Variants in EML4 observed in about 807,000 individuals in gnomAD.
EML4 encodes the protein EMAP like 4.
EML4 carries 72 observed loss-of-function variants against 129.0 expected under a neutral mutation model. That is an observed-to-expected ratio of 0.56 (90% CI 0.46 to 0.68). The LOEUF (loss-of-function observed/expected upper bound fraction) is 0.68. EML4 is among the 30% of genes least tolerant of loss of function. The probability of loss-of-function intolerance (pLI) is 0.00; values close to 1 mark genes in which losing one functional copy is unlikely to be tolerated. For missense variants in EML4, 1,363 were observed against 1,190.6 expected (o/e 1.14, Z -2.13); for synonymous variants, 532 against 405.0 (o/e 1.31, Z -3.77).
chr2:42,324,135 A>C (rs1669667683), intron 19 of EML4, among the ~76,000 whole-genome samples: 2 of 151,894 alleles, frequency 1.3e-5, no homozygotes. Context: ...TCTGTACTAA[A>C]AATAGAAAAA....
At chr2:42,210,688 C>T (rs887405738) in intron 1 of EML4, among the ~76,000 whole-genome samples, 18 of 152,236 alleles carry the variant, frequency 1.2e-4, no homozygotes, top group East Asian at 1.9e-4. Flanking sequence ...ATATTTTGCA[C>T]TTTGGGTTAA....
Position 42,223,057 on chromosome 2 carries a change from G to A in EML4, c.26-22448G>A, listed in dbSNP as rs116890188. On this transcript the variant is annotated intron_variant, in intron 1 of 22. Transcript: ENST00000318522. ...CTCGTGATCCGCCCTCCACCCCTTC[G>A]GCCTCCCAAAGTGCTGGGATTACAG... Among the ~76,000 whole-genome samples the A allele has an allele frequency of 2.8e-3, 421 of 151,968 alleles. 11 individuals carry two copies. The East Asian group carries it at 0.066, about 24-fold the overall frequency.
chr2:42,188,726 A>G (rs1049714605), intron 1 of EML4, among the ~76,000 whole-genome samples: 2 of 152,022 alleles, frequency 1.3e-5, no homozygotes, highest in Admixed American at 6.6e-5. Context: ...GAGTTTCACC[A>G]TGTTGGCCAG....
At chr2:42,283,665 A>T (rs985822411) in intron 8 of EML4, among the ~76,000 whole-genome samples, 1 of 152,180 alleles carries the variant, frequency 6.6e-6, no homozygotes, top group Non-Finnish European at 1.5e-5. Context: ...TGACTATTAT[A>T]ATATTATATA....
chr2:42,245,604 A>C lies in EML4; in HGVS notation c.125A>C (p.Lys42Thr). ...QQQEDEITVL[K>T]AALADVLRRL... ...CAAGAAGATGAAATCACTGTGCTAA[A>C]GGCGGCTTTGGCTGATGTTTTGAGG... Residue 42 changes from lysine (K) to threonine (T), a missense_variant, in exon 2 of 23, where the codon AAG becomes ACG. Coordinates refer to ENST00000318522, the MANE Select transcript of EML4 (RefSeq NM_019063.5). 6.2e-7 allele frequency: 1 copy of C among 1,613,906 alleles called. No homozygotes were observed. The highest frequency in any genetic ancestry group is 8.5e-7 in the Non-Finnish European group (1 of 1,179,864).
chr2:42,184,452 C>G (rs1247604465), intron 1 of EML4, among the ~76,000 whole-genome samples: 1 of 143,804 alleles, frequency 7.0e-6, no homozygotes, highest in Non-Finnish European at 1.5e-5. Flanking sequence ...GGTTTAAGAA[C>G]TTTCATCTCA....
At chr2:42,229,730 A>G (rs757145139) in intron 1 of EML4, among the ~76,000 whole-genome samples, 3 of 152,162 alleles carry the variant, frequency 2.0e-5, no homozygotes, top group Non-Finnish European at 4.4e-5. Context: ...GGAAAACTCT[A>G]GCAAAATAAA....
At chr2:42,219,936 A>C (rs1673461798) in intron 1 of EML4, among the ~76,000 whole-genome samples, 1 of 151,902 alleles carries the variant, frequency 6.6e-6, no homozygotes, top group South Asian at 2.1e-4. Flanking sequence ...AAAAAAAAAA[A>C]AAAAGGAAAA....
intron 1 of EML4, among the ~76,000 whole-genome samples, chr2:42,221,803 C>T (rs925407603): frequency 3.3e-5 from 5 of 151,922 alleles, no homozygotes; most frequent in Non-Finnish European, 5.9e-5. Flanking sequence ...AAGGTTTCGT[C>T]GTGTTGGCCA....
chr2:42,280,816 C>G, intron 6 of EML4, 34 bp from the exon 7 acceptor site: 1 of 1,554,428 alleles, frequency 6.4e-7, no homozygotes, highest in Non-Finnish European at 8.8e-7. Context: ...ACAGAAAATA[C>G]GTATGACTTA....
chr2:42,258,108 G>C (rs1191925164), intron 3 of EML4, among the ~76,000 whole-genome samples: 1 of 152,136 alleles, frequency 6.6e-6, no homozygotes, highest in East Asian at 1.9e-4. Flanking sequence ...ATGCACATTA[G>C]TGATTCAACA....
chr2:42,245,085 A>ATTTCTTTTTTTTTTTTTTTTT (rs1558535322), intron 1 of EML4, among the ~76,000 whole-genome samples: 1 of 42,148 alleles, frequency 2.4e-5, no homozygotes, highest in Non-Finnish European at 4.3e-5. Flanking sequence ...TTGTTTTGAA[A>ATTTCTTTTTTTTTTTTTTTTT]TTTTCTTTCT....
intron 1 of EML4, among the ~76,000 whole-genome samples, chr2:42,240,344 C>T (rs1674945327): frequency 6.6e-6 from 1 of 152,212 alleles, no homozygotes; most frequent in Non-Finnish European, 1.5e-5. Context: ...CTTTTCTAAT[C>T]TTACCTTCCT....
intron 9 of EML4, among the ~76,000 whole-genome samples, chr2:42,285,505 T>G (rs1667244109): frequency 6.6e-6 from 1 of 152,182 alleles, no homozygotes; most frequent in African/African-American, 2.4e-5. Context: ...AAATGTGTTA[T>G]TTTCTCAGGA....
At chr2:42,261,612 AT>A (rs1481381706) in intron 4 of EML4, 1 of 193,898 alleles carries the variant, frequency 5.2e-6, no homozygotes, top group Non-Finnish European at 1.1e-5. Flanking sequence ...CTTTTAAAAT[AT>A]GTATGTAACT....
intron 1 of EML4, among the ~76,000 whole-genome samples, chr2:42,224,049 A>G (rs887032745): frequency 1.3e-5 from 2 of 152,048 alleles, no homozygotes; most frequent in African/African-American, 4.8e-5. Flanking sequence ...TGTTTTTGTA[A>G]CAGCTGTTTT....
At chr2:42,245,094 C>CTTTCTTTTTTTTTTTTTTTT (rs1336279430) in intron 1 of EML4, among the ~76,000 whole-genome samples, 1 of 66,560 alleles carries the variant, frequency 1.5e-5, no homozygotes, top group African/African-American at 6.5e-5. Flanking sequence ...AATTTTCTTT[C>CTTTCTTTTTTTTTTTTTTTT]TTTTTTTTTT....
chr2:42,296,534 G>C (rs1183688559), intron 13 of EML4, among the ~76,000 whole-genome samples: 2 of 151,930 alleles, frequency 1.3e-5, no homozygotes, highest in African/African-American at 4.8e-5. Context: ...ATCACCCTAA[G>C]TGATTTATGA....
chr2:42,262,876 T>A (rs1342008284), intron 4 of EML4, among the ~76,000 whole-genome samples: 1 of 152,220 alleles, frequency 6.6e-6, no homozygotes, highest in Non-Finnish European at 1.5e-5. Context: ...CTACAAATTA[T>A]AAGAAACATT....
Sources: gnomAD v4.1 joint callset for allele counts (sites outside exome capture counted in the v4.1 genomes callset) on GRCh38, gnomAD v4.1.1 for gene constraint, MANE v1.5 for transcripts, NCBI Gene and HGNC (gene_info 2026-07-23, HGNC 2026-07-21) for gene names.